Variants in SORCS3 observed in about 807,000 individuals in gnomAD.
SORCS3 encodes the protein VPS10 domain-containing receptor SorCS3.
Under a neutral mutation model 146.3 loss-of-function variants are expected in SORCS3, and 57 were observed. That is an observed-to-expected ratio of 0.39 (90% confidence interval 0.31 to 0.49). The LOEUF is 0.49. Ranked by LOEUF, SORCS3 falls within the 20% of genes least tolerant of loss-of-function variation. The pLI, the probability that SORCS3 is intolerant of heterozygous loss-of-function variation, is 0.92. For missense variants in SORCS3, 1,341 were observed against 1,575.5 expected (o/e 0.85, Z 2.52); for synonymous variants, 653 against 618.5 (o/e 1.06, Z -0.83).
chr10:105,129,331 CTTTTTTT>C lies in SORCS3; in HGVS notation c.1213-10046_1213-10040del, dbSNP rs71022753. Among the ~76,000 whole-genome samples the C allele has an allele frequency of 9.2e-3, 964 of 104,622 alleles. 22 individuals carry two copies. Among genetic ancestry groups the C allele is most frequent in the Non-Finnish European group, 0.011 (605 of 54,394 alleles). The allele number at this position is 104,622 out of a possible 152,430, so 68.6% of individuals were successfully genotyped here. A position where few individuals can be genotyped will look rare whatever the true frequency, so the allele number is the denominator to read the frequency against. ...CTTTCTCTTTTCTTTCTTTCTTTCT[CTTTTTTT>C]TTTTTTTTTTTTTTTTTTTACAAAA... is the stretch of plus-strand genomic sequence containing the variant. On this transcript the variant is annotated intron_variant, in intron 7 of 26. Transcript: ENST00000369701.
intron 1 of SORCS3, among the ~76,000 whole-genome samples, chr10:104,703,483 C>T (rs1379867594): frequency 6.6e-6 from 1 of 151,892 alleles, no homozygotes; most frequent in Non-Finnish European, 1.5e-5. Context: ...CCATCATCCT[C>T]AGCAAACTAA....
In SORCS3 at chr10:104,940,335, C is replaced by T. The variant is rs534369480; in HGVS notation, c.795+24403C>T. 3.3e-3 allele frequency among the ~76,000 whole-genome samples: 405 copies of T among 123,452 alleles called. 2 individuals carry two copies. The highest frequency in any genetic ancestry group is 0.019 in the South Asian group (78 of 4,164). The allele number at this position is 123,452 out of a possible 152,430, so 81.0% of individuals were successfully genotyped here. A position where few individuals can be genotyped will look rare whatever the true frequency, so the allele number is the denominator to read the frequency against. ...GTATACATGTGCCATGTTGGTGTGCCGCACCCATTAACTCGTCATTTACAT... is the reference window on the plus strand; with the variant it reads ...GTATACATGTGCCATGTTGGTGTGCTGCACCCATTAACTCGTCATTTACAT... On this transcript the variant is annotated intron_variant, in intron 3 of 26. Coordinates refer to ENST00000369701, the MANE Select transcript of SORCS3 (RefSeq NM_014978.3).
At chr10:105,054,347 A>G (rs2055432251) in intron 5 of SORCS3, among the ~76,000 whole-genome samples, 1 of 151,810 alleles carries the variant, frequency 6.6e-6, no homozygotes, top group African/African-American at 2.4e-5. Context: ...GTGATCATGT[A>G]AATACAAACT....
intron 5 of SORCS3, among the ~76,000 whole-genome samples, chr10:105,055,163 A>G (rs1452546860): frequency 6.6e-6 from 1 of 152,086 alleles, no homozygotes; most frequent in Non-Finnish European, 1.5e-5. Context: ...TGTTATTCCT[A>G]TGAATGTTCA....
chr10:105,246,739 T>G (rs949381681), intron 21 of SORCS3, among the ~76,000 whole-genome samples: 11 of 152,256 alleles, frequency 7.2e-5, no homozygotes, highest in Non-Finnish European at 5.9e-5. Context: ...ACAAAGTGAA[T>G]GCACTTGTAT....
At chr10:104,822,878 C>T (rs892214849) in intron 1 of SORCS3, among the ~76,000 whole-genome samples, 14 of 152,174 alleles carry the variant, frequency 9.2e-5, no homozygotes, top group African/African-American at 3.1e-4. Flanking sequence ...CAACTTCCCA[C>T]CATATAAATG....
Position 105,246,618 on chromosome 10 carries a change from C to T in SORCS3, c.2993-601C>T, listed in dbSNP as rs973150636. Reference sequence around the variant, plus strand: ...CTGCAAACTTGCTTCTCAGGCTCTTCGAGGGGCACATGGAAGGTTTGTGTG... The same window carrying T: ...CTGCAAACTTGCTTCTCAGGCTCTTTGAGGGGCACATGGAAGGTTTGTGTG... On this transcript the variant is annotated intron_variant, in intron 21 of 26. Coordinates refer to ENST00000369701, the MANE Select transcript of SORCS3 (RefSeq NM_014978.3). Among the ~76,000 whole-genome samples the T allele has an allele frequency of 1.2e-4, 18 of 152,218 alleles. 1 individual carries two copies. Among genetic ancestry groups the T allele is most frequent in the Admixed American group, 7.2e-4 (11 of 15,284 alleles).
chr10:104,830,610 C>G (rs1284607339), intron 1 of SORCS3, among the ~76,000 whole-genome samples: 1 of 152,168 alleles, frequency 6.6e-6, no homozygotes, highest in African/African-American at 2.4e-5. Context: ...CTCATGCTTT[C>G]CATTGGCTGA....
chr10:104,861,764 C>A (rs1469683861), intron 2 of SORCS3, among the ~76,000 whole-genome samples: 1 of 152,102 alleles, frequency 6.6e-6, no homozygotes, highest in Non-Finnish European at 1.5e-5. Flanking sequence ...GCCACCATAA[C>A]GCAGTAACAC....
rs554033043 is a variant in SORCS3, at chr10:104,691,161, A to G, written c.627+49207A>G. ...AACAAGGCTGAAGAGCTCTAGCACC[A>G]TGGTGTCATAGCAACCAAATGGAGG... On this transcript the variant is annotated intron_variant, in intron 1 of 26. Coordinates refer to ENST00000369701, the MANE Select transcript of SORCS3 (RefSeq NM_014978.3). Among the ~76,000 whole-genome samples, 4 of 152,314 alleles carry G rather than the reference A, an allele frequency of 2.6e-5. No individual in the cohort carries two copies. The South Asian group carries it at 6.2e-4, about 24-fold the overall frequency.
intron 7 of SORCS3, among the ~76,000 whole-genome samples, chr10:105,114,546 C>T (rs2055880805): frequency 6.6e-6 from 1 of 152,070 alleles, no homozygotes; most frequent in African/African-American, 2.4e-5. Context: ...GAACTGAGCA[C>T]AGGGAAAGGG....
chr10:104,809,109 G>A (rs1423798442), intron 1 of SORCS3, among the ~76,000 whole-genome samples: 1 of 152,214 alleles, frequency 6.6e-6, no homozygotes, highest in Non-Finnish European at 1.5e-5. Flanking sequence ...CATGGGTTCA[G>A]TTTCAAATGT....
chr10:105,116,970 C>T (rs1462828906), intron 7 of SORCS3, among the ~76,000 whole-genome samples: 1 of 151,930 alleles, frequency 6.6e-6, no homozygotes, highest in Admixed American at 6.6e-5. Flanking sequence ...ATAATCTGTA[C>T]ACCAAATACC....
chr10:105,166,997 T>G (rs564699250), intron 12 of SORCS3, among the ~76,000 whole-genome samples: 112 of 152,258 alleles, frequency 7.4e-4, no homozygotes, highest in African/African-American at 2.7e-3. Context: ...TTCACCTTCA[T>G]GTAGCATGCT....
chr10:105,029,364 G>A (rs1363290065), intron 4 of SORCS3, among the ~76,000 whole-genome samples: 4 of 152,170 alleles, frequency 2.6e-5, no homozygotes, highest in Non-Finnish European at 5.9e-5. Context: ...ATTGTTTGAG[G>A]GCTTTGGGTA....
intron 3 of SORCS3, among the ~76,000 whole-genome samples, chr10:104,927,112 T>A (rs1045975292): frequency 6.6e-6 from 1 of 152,242 alleles, no homozygotes; most frequent in Admixed American, 6.5e-5. Flanking sequence ...TGTGTCTGTA[T>A]GTGTGTATAT....
At chr10:104,900,732 T>C (rs2018843337) in intron 2 of SORCS3, among the ~76,000 whole-genome samples, 2 of 151,704 alleles carry the variant, frequency 1.3e-5, no homozygotes, top group South Asian at 4.2e-4. Flanking sequence ...CTACTAAAAA[T>C]GCAAAAAATT....
intron 1 of SORCS3, among the ~76,000 whole-genome samples, chr10:104,767,143 C>A (rs1377945924): frequency 6.6e-6 from 1 of 152,202 alleles, no homozygotes; most frequent in Non-Finnish European, 1.5e-5. Flanking sequence ...GTGGTTCTGA[C>A]TCTCAACATC....
At chr10:104,700,526 A>G (rs556421251) in intron 1 of SORCS3, among the ~76,000 whole-genome samples, 46 of 152,286 alleles carry the variant, frequency 3.0e-4, no homozygotes, top group Non-Finnish European at 4.7e-4. Flanking sequence ...CACTTGGATC[A>G]TGTGTCTACC....
Sources: gnomAD v4.1 joint callset for allele counts (sites outside exome capture counted in the v4.1 genomes callset) on GRCh38, gnomAD v4.1.1 for gene constraint, MANE v1.5 for transcripts, NCBI Gene and HGNC (gene_info 2026-07-23, HGNC 2026-07-21) for gene names.